The following KCNIP1 variants were observed in gnomAD, a reference collection of about 807,000 sequenced individuals.
KCNIP1 encodes the protein A-type potassium channel modulatory protein KCNIP1.
A neutral mutation model predicts 33.0 loss-of-function variants in KCNIP1; 18 were observed. The ratio of observed to expected loss-of-function variants is 0.55; its 90% CI spans 0.38 to 0.81. KCNIP1 has a LOEUF of 0.81. Among genes scored for constraint, KCNIP1 ranks in the 30% least tolerant of loss-of-function variants. The pLI is 0.00. For missense variants in KCNIP1, 238 were observed against 271.6 expected, an observed-to-expected ratio of 0.88 and a Z score of 0.87; for synonymous variants, 93 against 98.3, an observed-to-expected ratio of 0.95 and a Z score of 0.32.
intron 1 of KCNIP1, among the ~76,000 whole-genome samples, chr5:170,619,113 T>C (rs73317327): frequency 0.025 from 3,742 of 152,330 alleles, 159 homozygotes; most frequent in African/African-American, 0.085. Context: ...GATGCTTCCA[T>C]GGGCAATGAC....
intron 1 of KCNIP1, among the ~76,000 whole-genome samples, chr5:170,477,091 C>G (rs978878968): frequency 2.6e-5 from 4 of 152,092 alleles, no homozygotes; most frequent in African/African-American, 9.7e-5. Flanking sequence ...ACTTTCTGCT[C>G]AATTTTACTG....
intron 1 of KCNIP1, among the ~76,000 whole-genome samples, chr5:170,458,850 C>T (rs1718509661): frequency 6.6e-6 from 1 of 152,026 alleles, no homozygotes; most frequent in Non-Finnish European, 1.5e-5. Flanking sequence ...TGTAATGGTA[C>T]CTCACACCTC....
At chr5:170,722,318 G>A (rs192013453) in intron 4 of KCNIP1, among the ~76,000 whole-genome samples, 2 of 152,268 alleles carry the variant, frequency 1.3e-5, no homozygotes, top group Admixed American at 1.3e-4. Context: ...GCACATAAAT[G>A]ATAAAGGATG....
chr5:170,712,860 C>A, intron 1 of KCNIP1: 1 of 1,613,912 alleles, frequency 6.2e-7, no homozygotes, highest in Non-Finnish European at 8.5e-7. Context: ...CTAGACATCG[C>A]CTGGTGGTAT....
chr5:170,678,215 A>G (rs1343655962), intron 1 of KCNIP1, among the ~76,000 whole-genome samples: 1 of 152,248 alleles, frequency 6.6e-6, no homozygotes. Flanking sequence ...CAAATGCCAA[A>G]TCACAGACTC....
intron 1 of KCNIP1, among the ~76,000 whole-genome samples, chr5:170,440,599 G>A (rs1335337431): frequency 1.3e-5 from 2 of 152,194 alleles, no homozygotes; most frequent in East Asian, 3.9e-4. Context: ...GATGGAGGGT[G>A]TTTCATGGCT....
intron 1 of KCNIP1, among the ~76,000 whole-genome samples, chr5:170,523,109 G>A (rs912109232): frequency 1.3e-5 from 2 of 152,190 alleles, no homozygotes; most frequent in Non-Finnish European, 2.9e-5. Flanking sequence ...GCATGCTGGT[G>A]GGAACAGGTC....
rs138836849 is a variant in KCNIP1, at chr5:170,394,747, A to C, written c.88+40783A>C. ...AAAGAAGATTTTCAGCCTTTGCCCC[A>C]CTCCCTCCTTCCTTTTGGAGTCCCC... On this transcript the variant is annotated intron_variant, in intron 1 of 7. Coordinates refer to the KCNIP1 transcript ENST00000377360. Among the ~76,000 whole-genome samples the C allele has an allele frequency of 3.3e-5, 5 of 151,518 alleles. No individual in the cohort carries two copies. In the East Asian group the frequency reaches 9.7e-4, roughly 29 times the overall value.
At position 170,518,856 on chromosome 5, in the gene KCNIP1, C is replaced by A. The variant is rs188856894; in HGVS notation, c.61+14223C>A. 2.0e-3 allele frequency among the ~76,000 whole-genome samples: 312 copies of A among 152,276 alleles called. 1 individual carries two copies. The highest frequency in any genetic ancestry group is 1.9e-3 in the South Asian group (9 of 4,812). Reference sequence around the variant, plus strand: ...CTCCCACCGGCTGCTTCTGGAGAGTCCAAGCCTCCCTCCTCAGTGACCTTG... The same window carrying A: ...CTCCCACCGGCTGCTTCTGGAGAGTACAAGCCTCCCTCCTCAGTGACCTTG... On this transcript the variant is annotated intron_variant, in intron 1 of 7. Coordinates refer to ENST00000328939, the MANE Select transcript of KCNIP1 (RefSeq NM_014592.4).
rs542214186 is a variant in KCNIP1, at chr5:170,732,866, G to A, written c.502G>A (p.Glu168Lys). The change falls in exon 6 of 8, where the codon GAG becomes AAG. Residue 168 changes from glutamate to lysine, a missense_variant. Glu to Lys is a moderately conservative substitution (Grantham distance 56). Transcript: ENST00000328939. The stretch of plus-strand genomic sequence containing the variant: ...GAAATACACATATCCTGTGCTCAAA[G>A]AGGACACTCCAAGGCAGCATGTGGA... ...MGKYTYPVLK[E>K]DTPRQHVDVF... 5 of 1,613,794 alleles carry A rather than the reference G, an allele frequency of 3.1e-6. 1 individual carries two copies. The South Asian group carries it at 3.3e-5, about 11-fold the overall frequency.
At chr5:170,716,586 T>C (rs1763651653) in intron 1 of KCNIP1, among the ~76,000 whole-genome samples, 1 of 152,220 alleles carries the variant, frequency 6.6e-6, no homozygotes, top group Non-Finnish European at 1.5e-5. Flanking sequence ...ATGCAGATAC[T>C]ACAGAATCTG....
intron 1 of KCNIP1, among the ~76,000 whole-genome samples, chr5:170,647,574 A>T (rs1231038628): frequency 2.1e-5 from 3 of 140,056 alleles, no homozygotes; most frequent in East Asian, 2.0e-4. Context: ...CATCCACATT[A>T]AAAAAAAAAA....
chr5:170,605,770 CTTT>C (rs766469605), intron 1 of KCNIP1, among the ~76,000 whole-genome samples: 71 of 102,320 alleles, frequency 6.9e-4, no homozygotes, highest in Middle Eastern at 6.3e-3. Flanking sequence ...CAACCCTGTT[CTTT>C]TTTTTTTTTT....
intron 1 of KCNIP1, among the ~76,000 whole-genome samples, chr5:170,545,308 C>T (rs961317608): frequency 6.6e-6 from 1 of 151,984 alleles, no homozygotes; most frequent in African/African-American, 2.4e-5. Context: ...CTTCTCTTTA[C>T]CTTTGTTTTC....
chr5:170,594,422 A>C (rs568417390), intron 1 of KCNIP1, among the ~76,000 whole-genome samples: 1 of 152,200 alleles, frequency 6.6e-6, no homozygotes, highest in African/African-American at 2.4e-5. Context: ...TGGTTACAAG[A>C]GCAGCACTTC....
chr5:170,733,134 A>T (rs1764262992), intron 6 of KCNIP1, among the ~76,000 whole-genome samples: 2 of 152,362 alleles, frequency 1.3e-5, no homozygotes, highest in South Asian at 4.1e-4. Context: ...TATAGTATGA[A>T]CTCTAAATCC....
At chr5:170,463,395 G>A (rs1756546785) in intron 1 of KCNIP1, among the ~76,000 whole-genome samples, 1 of 151,984 alleles carries the variant, frequency 6.6e-6, no homozygotes. Context: ...GACCAATACT[G>A]CTTATGAATA....
intron 1 of KCNIP1, among the ~76,000 whole-genome samples, chr5:170,561,535 C>T (rs1358852938): frequency 6.6e-6 from 1 of 152,220 alleles, no homozygotes; most frequent in African/African-American, 2.4e-5. Flanking sequence ...CTCCTCTCTT[C>T]CCTCAGTACC....
chr5:170,396,579 A>T (rs917860871), intron 1 of KCNIP1, among the ~76,000 whole-genome samples: 23 of 152,220 alleles, frequency 1.5e-4, no homozygotes, highest in African/African-American at 5.5e-4. Flanking sequence ...AGGACATCTC[A>T]AATGGGGATG....
Sources: allele counts gnomAD v4.1 joint callset (sites outside exome capture counted in the v4.1 genomes callset), GRCh38; gene constraint gnomAD v4.1.1; transcripts MANE v1.5; gene names NCBI Gene and HGNC (gene_info 2026-07-23, HGNC 2026-07-21).